SORCS2: variants seen among roughly 807,000 people sequenced by gnomAD.
SORCS2 encodes the protein VPS10 domain-containing receptor SorCS2.
SORCS2 carries 100 observed loss-of-function variants against 141.6 expected under a neutral mutation model. The observed-to-expected ratio is 0.71, with a 90% CI of 0.60 to 0.83. SORCS2 has a LOEUF of 0.83. SORCS2 is among the 40% of genes least tolerant of loss of function. The pLI is 0.00. For missense variants in SORCS2, 1,646 were observed against 1,560.2 expected, an observed-to-expected ratio of 1.05 and a Z score of -0.93; for synonymous variants, 789 against 676.9, an observed-to-expected ratio of 1.17 and a Z score of -2.57.
In SORCS2 at chr4:7,724,483, A is replaced by ATGG. The variant is rs1553808414; in HGVS notation, c.2611+612_2611+614dup. ...GGTGGTGGTGATGGTGATGGTGGTG[A>ATGG]TGGTGGTGGTGGTGACAATGGTGGT... On this transcript the variant is annotated intron_variant, in intron 19 of 26. Coordinates refer to ENST00000507866, the MANE Select transcript of SORCS2 (RefSeq NM_020777.3). Among the ~76,000 whole-genome samples the ATGG allele has an allele frequency of 8.6e-4, 84 of 97,440 alleles. 3 individuals carry two copies. Among genetic ancestry groups the ATGG allele is most frequent in the East Asian group, 5.6e-3 (15 of 2,668 alleles). 63.9% of individuals were successfully genotyped at this position (97,440 alleles called of 152,430 possible).
chr4:7,736,488 G>T (rs1215987297), intron 25 of SORCS2, among the ~76,000 whole-genome samples: 1 of 152,216 alleles, frequency 6.6e-6, no homozygotes, highest in Non-Finnish European at 1.5e-5. Context: ...CCCTGACCCT[G>T]GGTTTTGATT....
Position 7,313,502 on chromosome 4 carries a change from G to A in SORCS2, c.481-82786G>A, listed in dbSNP as rs149930262. Reference sequence around the variant, plus strand: ...ACATGCTGGGGTGGTCACTGGAGCGGAGGTCGGGGAGAGGGTGTTCCAGGC... The same window carrying A: ...ACATGCTGGGGTGGTCACTGGAGCGAAGGTCGGGGAGAGGGTGTTCCAGGC... On this transcript the variant is annotated intron_variant, in intron 1 of 26. Transcript: ENST00000507866. Among the ~76,000 whole-genome samples the A allele has an allele frequency of 8.4e-3, 1,278 of 152,328 alleles. 8 individuals carry two copies. Among genetic ancestry groups the A allele is most frequent in the Middle Eastern group, 0.014 (4 of 294 alleles).
chr4:7,374,341 C>T (rs1313584679), intron 1 of SORCS2, among the ~76,000 whole-genome samples: 4 of 152,068 alleles, frequency 2.6e-5, no homozygotes, highest in Non-Finnish European at 4.4e-5. Flanking sequence ...TGCTCCTCCC[C>T]CATGTGAGAG....
chr4:7,601,581 T>A (rs1156977192), intron 3 of SORCS2, among the ~76,000 whole-genome samples: 1 of 129,588 alleles, frequency 7.7e-6, no homozygotes, highest in African/African-American at 3.0e-5. Context: ...ATCACACCAC[T>A]GCACTCTAGC....
intron 2 of SORCS2, among the ~76,000 whole-genome samples, chr4:7,410,696 G>A (rs1360502099): frequency 6.6e-6 from 1 of 152,176 alleles, no homozygotes; most frequent in Non-Finnish European, 1.5e-5. Context: ...ATGGAGATCT[G>A]AGTTTGATTT....
chr4:7,235,946 AAG>A (rs1712238048), intron 1 of SORCS2, among the ~76,000 whole-genome samples: 1 of 152,166 alleles, frequency 6.6e-6, no homozygotes, highest in East Asian at 1.9e-4. Context: ...CAAGCCTTGA[AAG>A]AGTCTCCACG....
At chr4:7,396,220 A>C (rs1183732283) in intron 1 of SORCS2, 68 bp from the exon 2 acceptor site, 10 of 1,483,758 alleles carry the variant, frequency 6.7e-6, no homozygotes, top group Non-Finnish European at 9.3e-6. Context: ...GAGTGGTGTC[A>C]CTGTACCTCT....
intron 14 of SORCS2, 138 bp downstream of exon 14, chr4:7,704,422 G>T (rs1346346355): frequency 1.2e-5 from 9 of 759,662 alleles, no homozygotes; most frequent in Middle Eastern, 3.8e-4. Context: ...CCCCTTGCTG[G>T]TGAGGACAGG....
chr4:7,264,483 C>T (rs1450934465), intron 1 of SORCS2, among the ~76,000 whole-genome samples: 1 of 151,924 alleles, frequency 6.6e-6, no homozygotes, highest in Non-Finnish European at 1.5e-5. Context: ...TGCCTGGACC[C>T]CGTCGAGTGT....
At chr4:7,239,363 C>A (rs759869449) in intron 1 of SORCS2, among the ~76,000 whole-genome samples, 17 of 152,258 alleles carry the variant, frequency 1.1e-4, no homozygotes, top group Non-Finnish European at 8.8e-5. Context: ...GGAGCAGCTC[C>A]CCTGCTGGTC....
At chr4:7,549,924 A>G (rs882266) in intron 3 of SORCS2, among the ~76,000 whole-genome samples, 99,367 of 151,988 alleles carry the variant, frequency 0.65, 34,613 homozygotes, top group East Asian at 0.89. Flanking sequence ...GGCCCTAGAC[A>G]GTGGGATGGG....
At chr4:7,694,633 GA>G (rs1228933335) in intron 11 of SORCS2, among the ~76,000 whole-genome samples, 1 of 152,238 alleles carries the variant, frequency 6.6e-6, no homozygotes, top group East Asian at 1.9e-4. Flanking sequence ...TGGGATAGCA[GA>G]AAGATAAAAG....
chr4:7,716,990 C>G (rs919822404), intron 17 of SORCS2, among the ~76,000 whole-genome samples: 1 of 152,230 alleles, frequency 6.6e-6, no homozygotes, highest in African/African-American at 2.4e-5. Flanking sequence ...GAGAATTTGG[C>G]CCTGAGGGCA....
chr4:7,425,455 G>T (rs1379470988), intron 2 of SORCS2, among the ~76,000 whole-genome samples: 4 of 152,180 alleles, frequency 2.6e-5, no homozygotes, highest in Non-Finnish European at 5.9e-5. Context: ...AAACTGGTTT[G>T]GGAGTGGCGA....
intron 3 of SORCS2, among the ~76,000 whole-genome samples, chr4:7,561,458 A>C (rs1225560980): frequency 1.6e-5 from 2 of 127,356 alleles, no homozygotes; most frequent in Non-Finnish European, 3.4e-5. Context: ...CTACCAATCC[A>C]TCTATCCATT....
At chr4:7,278,490 C>G (rs962045484) in intron 1 of SORCS2, among the ~76,000 whole-genome samples, 1 of 152,200 alleles carries the variant, frequency 6.6e-6, no homozygotes, top group Non-Finnish European at 1.5e-5. Flanking sequence ...CCAGGGTCTG[C>G]TTAGCCCTCC....
chr4:7,342,148 G>A lies in SORCS2; in HGVS notation c.481-54140G>A, dbSNP rs112975460. 2.0e-3 allele frequency among the ~76,000 whole-genome samples: 302 copies of A among 152,232 alleles called. 5 individuals carry two copies. Among genetic ancestry groups the A allele is most frequent in the African/African-American group, 7.0e-3 (292 of 41,516 alleles). On this transcript the variant is annotated intron_variant, in intron 1 of 26. Transcript: ENST00000507866. ...ATCTCGGGTATTTGGGAAAGGCCTC[G>A]CCCATTCAAGGACTGAGTGCCCACT...
At chr4:7,622,580 C>T (rs1214402232) in intron 3 of SORCS2, among the ~76,000 whole-genome samples, 1 of 152,182 alleles carries the variant, frequency 6.6e-6, no homozygotes, top group Non-Finnish European at 1.5e-5. Context: ...CCTACCCTGC[C>T]TTCCCTGCCC....
At chr4:7,519,922 G>C (rs1733218780) in intron 2 of SORCS2, among the ~76,000 whole-genome samples, 1 of 152,234 alleles carries the variant, frequency 6.6e-6, no homozygotes. Flanking sequence ...GGCGGGGCAG[G>C]GAGCATCAGT....
Sources: allele counts gnomAD v4.1 joint callset (sites outside exome capture counted in the v4.1 genomes callset), GRCh38; gene constraint gnomAD v4.1.1; transcripts MANE v1.5; gene names NCBI Gene and HGNC (gene_info 2026-07-23, HGNC 2026-07-21).